Variants in SCAF11 observed in about 807,000 individuals in gnomAD.
SCAF11 encodes protein SCAF11.
Under a neutral mutation model 140.5 loss-of-function variants are expected in SCAF11, and 47 were observed. The ratio of observed to expected loss-of-function variants is 0.33; its 90% CI spans 0.26 to 0.43. SCAF11 has a LOEUF of 0.43. Among genes scored for constraint, SCAF11 ranks in the 20% least tolerant of loss-of-function variants. SCAF11 has a pLI of 1.00. For synonymous variants in SCAF11, 557 were observed against 579.4 expected, an observed-to-expected ratio of 0.96 and a Z score of 0.55; for missense variants, 1,645 against 1,705.1, an observed-to-expected ratio of 0.96 and a Z score of 0.62.
At chr12:45,958,140 A>G (rs1945742405) in intron 3 of SCAF11, among the ~76,000 whole-genome samples, 1 of 151,444 alleles carries the variant, frequency 6.6e-6, no homozygotes, top group African/African-American at 2.4e-5. Context: ...CCTGGGCTCG[A>G]GTGATCCACC....
chr12:45,990,655 G>C (rs563353003), upstream of SCAF11: 593 of 1,120,564 alleles, frequency 5.3e-4, 2 homozygotes, highest in Non-Finnish European at 9.7e-5. Flanking sequence ...CCTCGCTGTC[G>C]GCGCGCTAAG....
intron 1 of SCAF11, among the ~76,000 whole-genome samples, chr12:45,972,336 C>CT (rs773574641): frequency 2.0e-5 from 3 of 152,068 alleles, no homozygotes; most frequent in Non-Finnish European, 2.9e-5. Context: ...AATCCCAGCA[C>CT]TTTAAGAGGT....
At chr12:45,990,586 G>C (rs1946577329), upstream of SCAF11, 4 of 1,228,052 alleles carry the variant, frequency 3.3e-6, no homozygotes, top group Non-Finnish European at 4.1e-6. Context: ...CCCTTCCCCC[G>C]CCTTGTCTAG....
Position 45,920,319 on chromosome 12 carries a change from C to T in SCAF11, c.*1729G>A, listed in dbSNP as rs908409667. On this transcript the variant is annotated 3_prime_UTR_variant, in exon 15 of 15. Coordinates refer to ENST00000369367, the MANE Select transcript of SCAF11 (RefSeq NM_004719.3). ...GTATTATGCACATAAAATTGAGAAA[C>T]AGATAATCTTTACTTTAGAAAAGCA... 1.3e-5 allele frequency: 2 copies of T among 152,124 alleles called. No homozygotes were observed. The highest frequency in any genetic ancestry group is 4.8e-5 in the African/African-American group (2 of 41,432). The allele number at this position is 152,124 out of a possible 1,614,324, so 9.4% of individuals were successfully genotyped here.
intron 1 of SCAF11, among the ~76,000 whole-genome samples, chr12:45,966,137 A>G (rs993301189): frequency 3.9e-5 from 6 of 152,230 alleles, no homozygotes; most frequent in Non-Finnish European, 8.8e-5. Context: ...ATGAATGTCC[A>G]GGGAAGATGA....
intron 2 of SCAF11, among the ~76,000 whole-genome samples, chr12:45,963,313 A>G (rs950010807): frequency 2.6e-5 from 4 of 152,192 alleles, no homozygotes; most frequent in Non-Finnish European, 4.4e-5. Context: ...GTAAAACTGT[A>G]AAATATCAAA....
chr12:45,934,723 G>A (rs542940964), intron 6 of SCAF11, among the ~76,000 whole-genome samples: 5 of 152,250 alleles, frequency 3.3e-5, no homozygotes, highest in Admixed American at 1.3e-4. Flanking sequence ...CCACAATACA[G>A]AAACTGGGTG....
chr12:45,981,538 C>A (rs946201492), intron 1 of SCAF11, among the ~76,000 whole-genome samples: 4 of 152,180 alleles, frequency 2.6e-5, no homozygotes, highest in Admixed American at 2.6e-4. Context: ...TAAATATAAT[C>A]CGTCATCCTT....
At chr12:45,966,976 A>C (rs1945963864) in intron 1 of SCAF11, among the ~76,000 whole-genome samples, 1 of 152,180 alleles carries the variant, frequency 6.6e-6, no homozygotes, top group Non-Finnish European at 1.5e-5. Flanking sequence ...AGATGTTCAG[A>C]TGTAATATAT....
At chr12:45,954,489 G>T (rs1202414493) in intron 3 of SCAF11, among the ~76,000 whole-genome samples, 1 of 151,840 alleles carries the variant, frequency 6.6e-6, no homozygotes, top group Non-Finnish European at 1.5e-5. Flanking sequence ...AACCTGCCTT[G>T]GAGGGGTTAA....
chr12:45,976,250 C>A (rs530749480), intron 1 of SCAF11, among the ~76,000 whole-genome samples: 2 of 152,262 alleles, frequency 1.3e-5, no homozygotes, highest in East Asian at 1.9e-4. Flanking sequence ...ATTCTTAGAG[C>A]TACCACTAAA....
In SCAF11 at chr12:45,927,943, C is replaced by T; in HGVS notation, c.1758G>A (p.Glu586=). 6.2e-7 allele frequency: 1 copy of T among 1,613,370 alleles called. No individual in the cohort carries two copies. Among genetic ancestry groups the T allele is most frequent in the Non-Finnish European group, 8.5e-7 (1 of 1,179,912 alleles). The part of the protein sequence containing the change: ...ESVVNEEKIT[E]SSLVEITEHK... ...GTTCAGTAATTTCTACTAGGGAACT[C>T]TCTGTTATTTTTTCTTCATTAACCA... The change falls in exon 11 of 15, where the codon GAG becomes GAA. Residue 586 remains glutamate, a synonymous_variant. Transcript: ENST00000369367.
intron 12 of SCAF11, among the ~76,000 whole-genome samples, chr12:45,923,677 TTTAA>T (rs1944769087): frequency 6.6e-6 from 1 of 151,944 alleles, no homozygotes; most frequent in South Asian, 2.1e-4. Flanking sequence ...TTTATTTTAT[TTTAA>T]TTAATTATTT....
chr12:45,964,263 C>G, intron 1 of SCAF11, 75 bp from the exon 2 acceptor site: 2 of 727,974 alleles, frequency 2.7e-6, no homozygotes, highest in South Asian at 1.7e-5. Flanking sequence ...AAATCCTAAA[C>G]TGTAAGAAAT....
In SCAF11 at chr12:45,927,042, T is replaced by C; in HGVS notation, c.2659A>G (p.Thr887Ala). 1 of 1,614,086 alleles carries C rather than the reference T, an allele frequency of 6.2e-7. No homozygotes were observed. The highest frequency in any genetic ancestry group is 1.7e-5 in the Admixed American group (1 of 60,016). ...RSESLSPRRE[T>A]SRENKRSQPR... ...TGAGATCTTTTGTTCTCTCTAGAAGTTTCTCTTCTTGGGGACAGTGATTCA... is the reference window on the plus strand; with the variant it reads ...TGAGATCTTTTGTTCTCTCTAGAAGCTTCTCTTCTTGGGGACAGTGATTCA... The change falls in exon 11 of 15, where the codon ACT becomes GCT. Residue 887 changes from threonine to alanine, a missense_variant. Thr to Ala is a moderately conservative substitution (Grantham distance 58). Transcript: ENST00000369367.
At chr12:45,949,783 G>A (rs1945508759) in intron 4 of SCAF11, among the ~76,000 whole-genome samples, 1 of 152,134 alleles carries the variant, frequency 6.6e-6, no homozygotes, top group Admixed American at 6.6e-5. Flanking sequence ...AGATGCACAA[G>A]TGGTTGTAAA....
intron 4 of SCAF11, among the ~76,000 whole-genome samples, chr12:45,950,365 T>C (rs1318526206): frequency 6.6e-6 from 1 of 152,216 alleles, no homozygotes; most frequent in East Asian, 1.9e-4. Context: ...ATATCTCATG[T>C]GCCAAGAAAT....
At chr12:45,949,820 T>G (rs1945509907) in intron 4 of SCAF11, among the ~76,000 whole-genome samples, 1 of 152,114 alleles carries the variant, frequency 6.6e-6, no homozygotes, top group Non-Finnish European at 1.5e-5. Context: ...AGTAAAGAAG[T>G]CTAGGACAGT....
At chr12:45,932,519 A>AC (rs1317371750) in intron 9 of SCAF11, among the ~76,000 whole-genome samples, 1 of 152,176 alleles carries the variant, frequency 6.6e-6, no homozygotes, top group Non-Finnish European at 1.5e-5. Flanking sequence ...AATGCCCTAT[A>AC]CAGAACTATA....
Sources: allele counts gnomAD v4.1 joint callset (sites outside exome capture counted in the v4.1 genomes callset), GRCh38; gene constraint gnomAD v4.1.1; transcripts MANE v1.5; gene names NCBI Gene and HGNC (gene_info 2026-07-23, HGNC 2026-07-21).